Variants in ROBO2 observed in about 807,000 individuals in gnomAD.
The protein encoded by ROBO2 is roundabout guidance receptor 2, also known as roundabout homolog 2.
ROBO2 carries 53 observed loss-of-function variants against 160.8 expected under a neutral mutation model. That is an observed-to-expected ratio of 0.33 (90% CI 0.26 to 0.41). ROBO2 has a LOEUF of 0.41. ROBO2 is among the 10% of genes least tolerant of loss of function. The probability of loss-of-function intolerance (pLI) is 1.00; values close to 1 mark genes in which losing one functional copy is unlikely to be tolerated. For missense variants in ROBO2, 1,577 were observed against 1,722.4 expected, an observed-to-expected ratio of 0.92 and a Z score of 1.49; for synonymous variants, 664 against 611.7, an observed-to-expected ratio of 1.09 and a Z score of -1.26.
intron 2 of ROBO2, among the ~76,000 whole-genome samples, chr3:76,630,466 C>G (rs2089963023): frequency 6.9e-6 from 1 of 145,186 alleles, no homozygotes; most frequent in South Asian, 2.1e-4. Context: ...ATGTTTTGGT[C>G]TTTATTTAGA....
intron 2 of ROBO2, among the ~76,000 whole-genome samples, chr3:77,237,411 TTGTGTGTGTGTGTG>T (rs71104662): frequency 7.6e-6 from 1 of 131,046 alleles, no homozygotes; most frequent in Non-Finnish European, 1.6e-5. Context: ...TTGTTTTGTT[TTGTGTGTGTGTGTG>T]TGTGTGTGTG....
chr3:77,574,826 T>C (rs2093721371), intron 14 of ROBO2, 96 bp downstream of exon 15: 3 of 906,152 alleles, frequency 3.3e-6, no homozygotes, highest in Non-Finnish European at 5.3e-6. Flanking sequence ...TGGAAAGATA[T>C]CACCTAAAAG....
chr3:76,309,969 G>A (rs764681535), intron 2 of ROBO2, among the ~76,000 whole-genome samples: 4 of 151,764 alleles, frequency 2.6e-5, no homozygotes, highest in African/African-American at 7.3e-5. Flanking sequence ...AACTACAGGC[G>A]TACCACCATG....
chr3:76,371,448 G>A (rs1054864780), intron 2 of ROBO2, among the ~76,000 whole-genome samples: 3 of 149,972 alleles, frequency 2.0e-5, no homozygotes, highest in Non-Finnish European at 4.4e-5. Context: ...CATATCAAAT[G>A]TTTACTATAG....
intron 2 of ROBO2, among the ~76,000 whole-genome samples, chr3:76,252,710 A>G (rs1706088903): frequency 6.6e-6 from 1 of 151,844 alleles, no homozygotes; most frequent in African/African-American, 2.4e-5. Flanking sequence ...ATGTGTATAT[A>G]TACACACACT....
intron 2 of ROBO2, among the ~76,000 whole-genome samples, chr3:76,842,289 A>G (rs529177828): frequency 6.6e-6 from 1 of 152,286 alleles, no homozygotes. Flanking sequence ...CAGTCAGGGT[A>G]TTGGCTGCTA....
rs542376277 is a variant in ROBO2, at chr3:76,928,551, C to A, written c.110-169463C>A. 2.0e-5 allele frequency among the ~76,000 whole-genome samples: 3 copies of A among 151,066 alleles called. No homozygotes were observed. In the East Asian group the frequency reaches 5.9e-4, roughly 30 times the overall value. ...TTTAATATTATTAGATGTTCTCATT[C>A]AAGATTCTCAGCCAATGTCTATGGG... On this transcript the variant is annotated intron_variant, in intron 2 of 26. Coordinates refer to the ROBO2 transcript ENST00000487694.
rs556596308 is a variant in ROBO2, at chr3:76,371,570, G to A, written c.109+433968G>A. Among the ~76,000 whole-genome samples the A allele has an allele frequency of 5.7e-4, 86 of 151,920 alleles. No homozygotes were observed. The Middle Eastern group carries it at 0.01, about 18-fold the overall frequency. On this transcript the variant is annotated intron_variant, in intron 2 of 26. Transcript: ENST00000487694. ...TGCACATTTGCTGATGTGAGAAAAA[G>A]CAAAACAAGAAACTTAAAGATTAGC...
At chr3:76,016,521 A>G (rs937533283) in intron 2 of ROBO2, among the ~76,000 whole-genome samples, 2 of 152,042 alleles carry the variant, frequency 1.3e-5, no homozygotes, top group Non-Finnish European at 2.9e-5. Flanking sequence ...TTTTTGGTAA[A>G]GATACTTTAA....
intron 2 of ROBO2, among the ~76,000 whole-genome samples, chr3:76,093,312 A>G (rs2069306280): frequency 6.6e-6 from 1 of 152,010 alleles, no homozygotes; most frequent in Non-Finnish European, 1.5e-5. Context: ...TAACAAGTAG[A>G]CATTAACATA....
At chr3:76,506,854 A>T (rs1338960085) in intron 2 of ROBO2, among the ~76,000 whole-genome samples, 1 of 152,194 alleles carries the variant, frequency 6.6e-6, no homozygotes, top group Non-Finnish European at 1.5e-5. Flanking sequence ...TCAAAATAAA[A>T]CTGAATGTGT....
intron 2 of ROBO2, among the ~76,000 whole-genome samples, chr3:75,999,203 A>G (rs1443463645): frequency 6.6e-6 from 1 of 152,212 alleles, no homozygotes; most frequent in Non-Finnish European, 1.5e-5. Context: ...ATATGTGAAA[A>G]TATTCCAGCC....
rs548430828 is a variant in ROBO2 at position 76,221,093 on chromosome 3, G to A, written c.109+283491G>A. 1.8e-3 allele frequency among the ~76,000 whole-genome samples: 277 copies of A among 152,318 alleles called. 3 individuals carry two copies. Among genetic ancestry groups the A allele is most frequent in the South Asian group, 6.4e-3 (31 of 4,820 alleles). On this transcript the variant is annotated intron_variant, in intron 2 of 26. Transcript: ENST00000487694. Reference sequence around the variant, plus strand: ...TCTTTACTTCCATTGAGAAGTAGTAGTTCAATTTCCCCAGGTAGTCTGAAT... The same window carrying A: ...TCTTTACTTCCATTGAGAAGTAGTAATTCAATTTCCCCAGGTAGTCTGAAT...
Position 76,555,398 on chromosome 3 carries a change from A to AGAC in ROBO2, c.110-542614_110-542613insCGA, listed in dbSNP as rs1491489030. ...AAGAAGAAGAAGAAGAAGAAGAAGA[A>AGAC]GAAGAAGAAGAAGAAGAAGAAAGAA... On this transcript the variant is annotated intron_variant, in intron 2 of 26. Coordinates refer to the ROBO2 transcript ENST00000487694. Among the ~76,000 whole-genome samples, 491 of 70,684 alleles carry AGAC rather than the reference A, an allele frequency of 6.9e-3. 1 individual carries two copies. Among genetic ancestry groups the AGAC allele is most frequent in the Middle Eastern group, 0.019 (2 of 108 alleles). 46.4% of individuals were successfully genotyped at this position (70,684 alleles called of 152,430 possible).
chr3:76,951,485 G>A (rs1414815401), intron 2 of ROBO2, among the ~76,000 whole-genome samples: 1 of 152,192 alleles, frequency 6.6e-6, no homozygotes, highest in Non-Finnish European at 1.5e-5. Context: ...AAAGGTCAAT[G>A]TAACAAAAGT....
intron 2 of ROBO2, chr3:76,434,559 G>A (rs1414376203): frequency 1.9e-6 from 3 of 1,588,370 alleles, no homozygotes; most frequent in Non-Finnish European, 2.6e-6. Flanking sequence ...GCTTATTTAA[G>A]TATACGGACA....
At chr3:76,528,135 A>G (rs1033002339) in intron 2 of ROBO2, among the ~76,000 whole-genome samples, 16 of 152,186 alleles carry the variant, frequency 1.1e-4, no homozygotes, top group African/African-American at 3.9e-4. Flanking sequence ...CTTTCTACCA[A>G]GTGCAGGCAC....
chr3:76,989,433 T>A (rs2060550229), intron 2 of ROBO2, among the ~76,000 whole-genome samples: 1 of 152,154 alleles, frequency 6.6e-6, no homozygotes, highest in African/African-American at 2.4e-5. Flanking sequence ...AATAAAAGTA[T>A]GTAATTTTCA....
At chr3:76,701,375 G>A (rs1440011789) in intron 2 of ROBO2, among the ~76,000 whole-genome samples, 2 of 152,044 alleles carry the variant, frequency 1.3e-5, no homozygotes, top group Admixed American at 1.3e-4. Flanking sequence ...TATAAAATAT[G>A]AGAGTCAGAT....
Sources: allele counts gnomAD v4.1 joint callset (sites outside exome capture counted in the v4.1 genomes callset), GRCh38; gene constraint gnomAD v4.1.1; transcripts MANE v1.5; gene names NCBI Gene and HGNC (gene_info 2026-07-23, HGNC 2026-07-21).